Variants in EBF2 observed in about 807,000 individuals in gnomAD.
EBF2 encodes transcription factor COE2.
In EBF2, 21 loss-of-function variants were observed where a neutral mutation model predicts 72.8. The ratio of observed to expected loss-of-function variants is 0.29; its 90% CI spans 0.20 to 0.42. EBF2 has a LOEUF of 0.42. EBF2 is among the 10% of genes least tolerant of loss of function. The pLI, the probability that EBF2 is intolerant of heterozygous loss-of-function variation, is 1.00. For synonymous variants in EBF2, 299 were observed against 274.2 expected (o/e 1.09, Z -0.89); for missense variants, 637 against 731.2 (o/e 0.87, Z 1.49).
chr8:25,957,970 G>A (rs560876108), intron 6 of EBF2, among the ~76,000 whole-genome samples: 1 of 152,204 alleles, frequency 6.6e-6, no homozygotes, highest in Non-Finnish European at 1.5e-5. Context: ...AGTGAGGAAG[G>A]CAGGCAGAAC....
chr8:25,850,742 G>T lies in EBF2; in HGVS notation c.1548C>A (p.Thr516=), dbSNP rs371578362. Reference sequence around the variant, plus strand: ...TGGAGGATGTGCTGGAAGACCCAACGGTGGGACTTGATGACATGACTGGAA... The same window carrying T: ...TGGAGGATGTGCTGGAAGACCCAACTGTGGGACTTGATGACATGACTGGAA... ...SPYGIMSSSP[T]VGSSSTSSIL... is the part of the protein sequence containing the mutation. The change falls in exon 15 of 16, where the codon ACC becomes ACA. Residue 516 remains threonine, a synonymous_variant. Transcript: ENST00000520164. The T allele has an allele frequency of 2.6e-6, 4 of 1,560,442 alleles. No homozygotes were observed. The highest frequency in any genetic ancestry group is 3.4e-6 in the Non-Finnish European group (4 of 1,161,076).
chr8:25,889,738 G>T lies in EBF2; in HGVS notation c.751+14C>A, dbSNP rs201303928. ...ATTTCATGTGTCTGCTATGCTGAGC[G>T]CAGGCAGCCCTACCTTCCGATGGAT... On this transcript the variant is annotated intron_variant, in intron 8 of 15. Transcript: ENST00000520164. 2.1e-5 allele frequency: 33 copies of T among 1,595,168 alleles called. No individual in the cohort carries two copies. Among genetic ancestry groups the T allele is most frequent in the Non-Finnish European group, 2.8e-5 (32 of 1,163,068 alleles).
intron 2 of EBF2, among the ~76,000 whole-genome samples, chr8:26,041,819 GC>G (rs1329332314): frequency 3.9e-5 from 6 of 152,160 alleles, no homozygotes. Context: ...AGTCCAAGGG[GC>G]GTTTGCTCCG....
intron 6 of EBF2, chr8:26,031,986 C>A (rs944813080): frequency 2.6e-5 from 4 of 152,174 alleles, no homozygotes; most frequent in African/African-American, 9.7e-5. Context: ...TATACACATC[C>A]AACAAACATT....
At chr8:25,858,259 C>T in intron 14 of EBF2, 60 bp downstream of exon 14, 1 of 1,597,172 alleles carries the variant, frequency 6.3e-7, no homozygotes, top group South Asian at 1.1e-5. Flanking sequence ...CCAAAAGGCC[C>T]AATAGTAAAA....
intron 6 of EBF2, among the ~76,000 whole-genome samples, chr8:25,941,316 C>T (rs1259265710): frequency 1.3e-5 from 2 of 152,010 alleles, no homozygotes; most frequent in Admixed American, 1.3e-4. Context: ...AGTGATTCTC[C>T]TGCCTCAGCC....
At chr8:26,002,924 G>GGGCA (rs1161731154) in intron 6 of EBF2, among the ~76,000 whole-genome samples, 20 of 4,764 alleles carry the variant, frequency 4.2e-3, no homozygotes, top group South Asian at 0.014. Context: ...GCGGGCAGGC[G>GGGCA]GGCAGGCAGG....
intron 6 of EBF2, among the ~76,000 whole-genome samples, chr8:25,938,391 A>T: frequency 6.7e-6 from 1 of 148,586 alleles, no homozygotes. Flanking sequence ...AAAAAAGCCT[A>T]GTTTTTTTTT....
chr8:25,958,383 CATT>C (rs1390181148), intron 6 of EBF2, among the ~76,000 whole-genome samples: 1 of 147,276 alleles, frequency 6.8e-6, no homozygotes, highest in African/African-American at 2.5e-5. Flanking sequence ...CACCTCCACT[CATT>C]ATGATTTCCC....
At chr8:25,921,225 T>C (rs1803301929) in intron 6 of EBF2, among the ~76,000 whole-genome samples, 1 of 152,228 alleles carries the variant, frequency 6.6e-6, no homozygotes, top group African/African-American at 2.4e-5. Flanking sequence ...AAACCAGGTA[T>C]TTCAATATTC....
intron 6 of EBF2, among the ~76,000 whole-genome samples, chr8:25,984,005 T>C (rs2117202013): frequency 6.6e-6 from 1 of 152,366 alleles, no homozygotes; most frequent in Non-Finnish European, 1.5e-5. Flanking sequence ...TTGGCCACCC[T>C]GCCATGTGCG....
intron 10 of EBF2, among the ~76,000 whole-genome samples, chr8:25,863,532 C>T (rs1171090553): frequency 2.0e-5 from 3 of 152,108 alleles, no homozygotes; most frequent in Non-Finnish European, 1.5e-5. Context: ...TATTCTTTCT[C>T]CTTCTTCCCT....
intron 6 of EBF2, among the ~76,000 whole-genome samples, chr8:25,918,921 C>T (rs942562014): frequency 1.3e-5 from 2 of 152,154 alleles, no homozygotes; most frequent in African/African-American, 4.8e-5. Flanking sequence ...ATGATATTAA[C>T]ACTCCACTGT....
intron 4 of EBF2, 147 bp downstream of exon 4, chr8:26,040,469 A>G: frequency 1.4e-6 from 1 of 709,472 alleles, no homozygotes; most frequent in Non-Finnish European, 2.3e-6. Context: ...CTTCCCTAGC[A>G]GACAAGGTGC....
At chr8:26,002,441 C>A (rs903995256) in intron 6 of EBF2, among the ~76,000 whole-genome samples, 1 of 152,206 alleles carries the variant, frequency 6.6e-6, no homozygotes, top group Non-Finnish European at 1.5e-5. Flanking sequence ...CTTTTGTAGC[C>A]CAGACATGTG....
chr8:25,959,725 G>T (rs1804007287), intron 6 of EBF2, among the ~76,000 whole-genome samples: 2 of 152,092 alleles, frequency 1.3e-5, no homozygotes, highest in African/African-American at 4.8e-5. Context: ...CCCAAGTTCT[G>T]TTCCTTACCC....
intron 10 of EBF2, among the ~76,000 whole-genome samples, chr8:25,869,927 T>A (rs1192976408): frequency 1.3e-5 from 2 of 152,182 alleles, no homozygotes; most frequent in Non-Finnish European, 2.9e-5. Flanking sequence ...GTGGGATCTG[T>A]GTCCTGCTTC....
intron 6 of EBF2, among the ~76,000 whole-genome samples, chr8:26,023,980 A>G (rs896680802): frequency 1.3e-5 from 2 of 152,182 alleles, no homozygotes; most frequent in Non-Finnish European, 2.9e-5. Context: ...AAATCCTTCT[A>G]CATCTTCCAT....
intron 8 of EBF2, 129 bp downstream of exon 8, chr8:25,889,623 A>T: frequency 1.6e-6 from 1 of 624,420 alleles, no homozygotes; most frequent in Non-Finnish European, 2.6e-6. Flanking sequence ...ACTTCGTTTA[A>T]AAAAAAAAAA....
Sources: allele counts gnomAD v4.1 joint callset (sites outside exome capture counted in the v4.1 genomes callset), GRCh38; gene constraint gnomAD v4.1.1; transcripts MANE v1.5; gene names NCBI Gene and HGNC (gene_info 2026-07-23, HGNC 2026-07-21).